The following SLC4A4 variants were observed in gnomAD, a reference collection of about 807,000 sequenced individuals.
The protein encoded by SLC4A4 is solute carrier family 4 member 4.
A neutral mutation model predicts 111.5 loss-of-function variants in SLC4A4; 27 were observed. That is an observed-to-expected ratio of 0.24 (90% CI 0.18 to 0.33). SLC4A4 has a LOEUF of 0.33. Among genes scored for constraint, SLC4A4 ranks in the 10% least tolerant of loss-of-function variants. The pLI is 1.00. For synonymous variants in SLC4A4, 443 were observed against 463.4 expected, an observed-to-expected ratio of 0.96 and a Z score of 0.57; for missense variants, 909 against 1,315.5, an observed-to-expected ratio of 0.69 and a Z score of 4.78.
intron 3 of SLC4A4, among the ~76,000 whole-genome samples, chr4:71,293,330 G>A (rs369908264): frequency 5.7e-4 from 87 of 151,562 alleles, no homozygotes; most frequent in African/African-American, 2.1e-3. Flanking sequence ...TTGGGAAGCC[G>A]AGCCAGGTGG....
At position 71,392,602 on chromosome 4, in the gene SLC4A4, G is replaced by T. The variant is rs75975417; in HGVS notation, c.731-4975G>T. Among the ~76,000 whole-genome samples the T allele has an allele frequency of 6.9e-3, 1,045 of 152,154 alleles. 11 individuals are homozygous for T. The highest frequency in any genetic ancestry group is 0.023 in the African/African-American group (949 of 41,508). ...GAATTGGTCAGGCGTATTCAAAGAA[G>T]AATTGGTACTAAATCTTTTGACACT... On this transcript the variant is annotated intron_variant, in intron 6 of 25. Coordinates refer to ENST00000264485, the MANE Select transcript of SLC4A4 (RefSeq NM_001098484.3).
intron 2 of SLC4A4, among the ~76,000 whole-genome samples, chr4:71,162,519 T>G (rs1229167740): frequency 6.6e-6 from 1 of 152,212 alleles, no homozygotes. Context: ...AAGTTCAGTC[T>G]CTGCTAACCT....
intron 6 of SLC4A4, among the ~76,000 whole-genome samples, chr4:71,364,229 T>C (rs1431662884): frequency 6.6e-6 from 1 of 152,210 alleles, no homozygotes; most frequent in Admixed American, 6.5e-5. Context: ...TTCAATTCTT[T>C]GGCAAATGTT....
At chr4:71,492,958 ATACT>A (rs1434208638) in intron 15 of SLC4A4, among the ~76,000 whole-genome samples, 2 of 152,002 alleles carry the variant, frequency 1.3e-5, no homozygotes, top group East Asian at 3.9e-4. Flanking sequence ...TTAAGTTAAC[ATACT>A]TTATTTCTCT....
chr4:71,375,110 C>G (rs1287404999), intron 6 of SLC4A4, among the ~76,000 whole-genome samples: 3 of 152,126 alleles, frequency 2.0e-5, no homozygotes, highest in African/African-American at 7.2e-5. Flanking sequence ...TTTCCTTTTG[C>G]TTAGTCTGAT....
chr4:71,467,319 C>A (rs12641372), intron 13 of SLC4A4, among the ~76,000 whole-genome samples: 10 of 152,084 alleles, frequency 6.6e-5, no homozygotes, highest in Admixed American at 3.3e-4. Flanking sequence ...TTTACTTAGT[C>A]CACTGCTCCT....
At chr4:71,148,527 T>C (rs1744237939) in intron 2 of SLC4A4, among the ~76,000 whole-genome samples, 1 of 152,178 alleles carries the variant, frequency 6.6e-6, no homozygotes, top group South Asian at 2.1e-4. Flanking sequence ...CAGTTATTTT[T>C]TCTGATCCTC....
At chr4:71,391,554 A>C (rs1479068345) in intron 6 of SLC4A4, among the ~76,000 whole-genome samples, 2 of 152,094 alleles carry the variant, frequency 1.3e-5, no homozygotes, top group African/African-American at 4.8e-5. Flanking sequence ...TTTTTATAGC[A>C]ACAGTATGTA....
chr4:71,435,133 G>C (rs913127663), intron 7 of SLC4A4, among the ~76,000 whole-genome samples: 3 of 152,148 alleles, frequency 2.0e-5, no homozygotes, highest in Admixed American at 6.5e-5. Flanking sequence ...AAAGCTGGAG[G>C]CATCACACTA....
intron 4 of SLC4A4, among the ~76,000 whole-genome samples, chr4:71,346,892 T>G (rs912271882): frequency 3.3e-5 from 5 of 152,158 alleles, no homozygotes; most frequent in African/African-American, 9.6e-5. Flanking sequence ...CCTTATGCTG[T>G]AAGCTGTGCT....
rs577160191 is a variant in SLC4A4, at chr4:71,317,389, T to C, written c.254-21981T>C. Among the ~76,000 whole-genome samples the C allele has an allele frequency of 5.3e-5, 8 of 152,150 alleles. No individual in the cohort carries two copies. The South Asian group carries it at 1.7e-3, about 32-fold the overall frequency. On this transcript the variant is annotated intron_variant, in intron 3 of 25. Coordinates refer to ENST00000264485, the MANE Select transcript of SLC4A4 (RefSeq NM_001098484.3). ...AGGCTAAGTTGTTTGAGCTCTGGAA[T>C]GAATTTAGATAGTTCTTAAAGCCAT...
intron 6 of SLC4A4, among the ~76,000 whole-genome samples, chr4:71,395,818 A>T (rs556753076): frequency 6.6e-6 from 1 of 152,334 alleles, no homozygotes; most frequent in South Asian, 2.1e-4. Context: ...AAATTATTTG[A>T]TGATTAGAAA....
At chr4:71,390,369 T>G (rs1483954228) in intron 6 of SLC4A4, among the ~76,000 whole-genome samples, 9 of 152,320 alleles carry the variant, frequency 5.9e-5, no homozygotes, top group Admixed American at 5.9e-4. Context: ...ATAGGCTGTA[T>G]GTATATTGTG....
At chr4:71,335,958 G>A (rs1036058628) in intron 3 of SLC4A4, among the ~76,000 whole-genome samples, 3 of 151,948 alleles carry the variant, frequency 2.0e-5, no homozygotes, top group African/African-American at 4.8e-5. Flanking sequence ...ATTGGTTTAT[G>A]TGCTAATTTA....
intron 15 of SLC4A4, among the ~76,000 whole-genome samples, chr4:71,496,723 G>T (rs1299628172): frequency 1.3e-5 from 2 of 152,020 alleles, no homozygotes; most frequent in Non-Finnish European, 2.9e-5. Flanking sequence ...AGGAACAAGA[G>T]TGAGCTGCTA....
At chr4:71,331,584 G>A (rs1382683441) in intron 3 of SLC4A4, among the ~76,000 whole-genome samples, 1 of 149,180 alleles carries the variant, frequency 6.7e-6, no homozygotes, top group Non-Finnish European at 1.5e-5. Context: ...CCTGTTGTGG[G>A]GTTGGGGGAG....
chr4:71,213,799 G>A (rs1404438918), intron 1 of SLC4A4, among the ~76,000 whole-genome samples: 1 of 152,172 alleles, frequency 6.6e-6, no homozygotes, highest in East Asian at 1.9e-4. Flanking sequence ...TCTCTTTTTG[G>A]CCATGGGAGG....
chr4:71,091,299 C>G (rs1171299555), intron 1 of SLC4A4, among the ~76,000 whole-genome samples: 1 of 144,758 alleles, frequency 6.9e-6, no homozygotes, highest in East Asian at 2.1e-4. Context: ...GTTGCCCGGG[C>G]TGGAGTGCAG....
chr4:71,533,382 T>G (rs1734116076), intron 17 of SLC4A4, among the ~76,000 whole-genome samples: 2 of 152,174 alleles, frequency 1.3e-5, no homozygotes, highest in South Asian at 4.1e-4. Flanking sequence ...GACAGAATTA[T>G]GAGACAGATG....
Sources: allele counts gnomAD v4.1 joint callset (sites outside exome capture counted in the v4.1 genomes callset), GRCh38; gene constraint gnomAD v4.1.1; transcripts MANE v1.5; gene names NCBI Gene and HGNC (gene_info 2026-07-23, HGNC 2026-07-21).